NLRP14: variants seen among roughly 807,000 people sequenced by gnomAD.
NLRP14 encodes NLR family pyrin domain containing 14.
NLRP14 carries 105 observed loss-of-function variants against 94.7 expected under a neutral mutation model. The observed-to-expected ratio is 1.11, with a 90% CI of 0.95 to 1.30. The LOEUF is 1.30. NLRP14 is among the 50% of genes most tolerant of loss of function. The pLI is 0.00. For synonymous variants in NLRP14, 508 were observed against 459.9 expected (o/e 1.10, Z -1.34); for missense variants, 1,362 against 1,254.1 (o/e 1.09, Z -1.30).
At chr11:7,049,884 C>T (rs1365314310) in intron 6 of NLRP14, 46 bp downstream of exon 6, 31 of 1,519,328 alleles carry the variant, frequency 2.0e-5, no homozygotes, top group Non-Finnish European at 2.8e-5. Flanking sequence ...ATAATTGAGG[C>T]TTTTGTCTAT....
chr11:7,087,869 A>G, the NLRP14 span, among the ~76,000 whole-genome samples: 1 of 152,218 alleles, frequency 6.6e-6, no homozygotes, highest in Admixed American at 6.5e-5. Flanking sequence ...GGACTAAGGT[A>G]AAAAGGTTTT....
At chr11:7,037,475 A>G (rs16921681) in intron 1 of NLRP14, among the ~76,000 whole-genome samples, 1,645 of 152,240 alleles carry the variant, frequency 0.011, 25 homozygotes, top group African/African-American at 0.037. Context: ...AAGGGCAGGA[A>G]TTTTAGTGAA....
the NLRP14 span, among the ~76,000 whole-genome samples, chr11:7,084,916 A>G: frequency 1.7e-3 from 263 of 152,298 alleles, no homozygotes; most frequent in African/African-American, 6.1e-3. Context: ...GAGGTCTGCA[A>G]TACTTCAGGT....
intron 1 of NLRP14, among the ~76,000 whole-genome samples, chr11:7,022,058 C>A (rs1256961913): frequency 6.6e-6 from 1 of 152,022 alleles, no homozygotes; most frequent in Non-Finnish European, 1.5e-5. Context: ...ACAAAGAGCA[C>A]CAAGTATAGC....
the NLRP14 span, chr11:7,089,030 G>A: frequency 1.4e-6 from 2 of 1,462,786 alleles, no homozygotes; most frequent in South Asian, 1.2e-5. Flanking sequence ...CTGACCAGTA[G>A]GAGCCGCCCT....
intron 10 of NLRP14, among the ~76,000 whole-genome samples, chr11:7,069,837 G>A (rs774416760): frequency 3.3e-5 from 5 of 151,984 alleles, no homozygotes; most frequent in Non-Finnish European, 7.4e-5. Context: ...ATGTTGGCCT[G>A]GTTGGTCTCG....
the NLRP14 span, among the ~76,000 whole-genome samples, chr11:7,081,193 G>A: frequency 6.6e-6 from 1 of 152,026 alleles, no homozygotes; most frequent in Non-Finnish European, 1.5e-5. Context: ...GATTTAGGTG[G>A]TTTTTTTTAT....
chr11:7,049,853 G>C lies in NLRP14; in HGVS notation c.2291+15G>C. 2 of 1,606,292 alleles carry C rather than the reference G, an allele frequency of 1.2e-6. No individual in the cohort carries two copies. Among genetic ancestry groups the C allele is most frequent in the Non-Finnish European group, 1.7e-6 (2 of 1,173,130 alleles). On this transcript the variant is annotated intron_variant, in intron 6 of 11. Transcript: ENST00000299481. ...CAGACTCTCAGGTAAGCTTTGAATTGTTTTGTCTTGTTTTGTTTTTATAAT... is the reference window on the plus strand; with the variant it reads ...CAGACTCTCAGGTAAGCTTTGAATTCTTTTGTCTTGTTTTGTTTTTATAAT...
chr11:7,044,524 T>A (rs1474116057), intron 4 of NLRP14, among the ~76,000 whole-genome samples: 1 of 152,144 alleles, frequency 6.6e-6, no homozygotes, highest in Non-Finnish European at 1.5e-5. Context: ...TCTCAGCCCT[T>A]TAATGCCTAT....
chr11:7,071,319 C>T lies in NLRP14; in HGVS notation c.*11C>T, dbSNP rs765757673. On this transcript the variant is annotated 3_prime_UTR_variant, in exon 12 of 12. Coordinates refer to ENST00000299481, the MANE Select transcript of NLRP14 (RefSeq NM_176822.4). ...TGGTGGTGTTTCTGATTTGAAGAAACTGACATTCCTTTAAAAATATAAATA... is the reference window on the plus strand; with the variant it reads ...TGGTGGTGTTTCTGATTTGAAGAAATTGACATTCCTTTAAAAATATAAATA... 6.2e-7 allele frequency: 1 copy of T among 1,606,566 alleles called. No homozygotes were observed. Among genetic ancestry groups the T allele is most frequent in the Non-Finnish European group, 8.5e-7 (1 of 1,173,838 alleles).
In NLRP14 at chr11:7,070,314, T is replaced by C; in HGVS notation, c.3004T>C (p.Cys1002Arg). The change falls in exon 11 of 12, where the codon TGC (cysteine) becomes CGC (arginine). Residue 1002 changes from cysteine to arginine, a missense_variant. Cys to Arg is a radical substitution (Grantham distance 180). Coordinates refer to ENST00000299481, the MANE Select transcript of NLRP14 (RefSeq NM_176822.4). Reference sequence around the variant, plus strand: ...GGAATACTGTGGTTTGACATCTCTCTGCTGTCAAGATCTCTCCTCTGCTCT... The same window carrying C: ...GGAATACTGTGGTTTGACATCTCTCCGCTGTCAAGATCTCTCCTCTGCTCT... The part of the protein sequence containing the change: ...GLEYCGLTSL[C>R]CQDLSSALIC... 1 of 1,611,924 alleles carries C rather than the reference T, an allele frequency of 6.2e-7. No individual in the cohort carries two copies. Among genetic ancestry groups the C allele is most frequent in the Non-Finnish European group, 8.5e-7 (1 of 1,178,130 alleles).
intron 1 of NLRP14, among the ~76,000 whole-genome samples, chr11:7,025,404 A>C (rs1344456114): frequency 6.6e-6 from 1 of 152,170 alleles, no homozygotes; most frequent in East Asian, 1.9e-4. Flanking sequence ...CCCTGAGTTC[A>C]CAATTCAAGA....
chr11:7,038,957 G>C, intron 2 of NLRP14, 82 bp downstream of exon 2: 13 of 1,340,032 alleles, frequency 9.7e-6, no homozygotes, highest in South Asian at 9.5e-5. Flanking sequence ...CTGTAAGAGG[G>C]ATTTAGGGAT....
In NLRP14 at chr11:7,042,455, G is replaced by A; in HGVS notation, c.429G>A (p.Leu143=). ...KFCITWDKKS[L]AGKPEDFHHG... Reference sequence around the variant, plus strand: ...GCATCACTTGGGACAAGAAGTCTTTGGCTGGAAAGCCTGAAGATTTCCATC... The same window carrying A: ...GCATCACTTGGGACAAGAAGTCTTTAGCTGGAAAGCCTGAAGATTTCCATC... Residue 143 remains leucine (L), a synonymous_variant, in exon 4 of 12, where the codon TTG becomes TTA. Transcript: ENST00000299481. The A allele has an allele frequency of 6.2e-7, 1 of 1,613,596 alleles. No homozygotes were observed. The highest frequency in any genetic ancestry group is 8.5e-7 in the Non-Finnish European group (1 of 1,179,494).
rs147389856 is a variant in NLRP14 at position 7,043,347 on chromosome 11, G to C, written c.1321G>C (p.Val441Leu). The C allele has an allele frequency of 1.9e-6, 3 of 1,614,050 alleles. No individual in the cohort carries two copies. Among genetic ancestry groups the C allele is most frequent in the Admixed American group, 1.7e-5 (1 of 59,998 alleles). ...CAAAGGAATATGGACTATGACTTACGTGTTTTACAGAGAAAATCTCAGAAG... is the reference window on the plus strand; with the variant it reads ...CAAAGGAATATGGACTATGACTTACCTGTTTTACAGAGAAAATCTCAGAAG... ...AAKGIWTMTY[V>L]FYRENLRRLG... Residue 441 changes from valine (V) to leucine (L), a missense_variant, in exon 4 of 12, where the codon GTG becomes CTG. Physicochemically the swap from Val to Leu is conservative, Grantham distance 32 (BLOSUM62 1). Transcript: ENST00000299481.
rs761138880 is a variant in NLRP14, at chr11:7,038,607, T to C, written c.21T>C (p.Ser7=). 1 of 1,613,900 alleles carries C rather than the reference T, an allele frequency of 6.2e-7. No individual in the cohort carries two copies. The highest frequency in any genetic ancestry group is 8.5e-7 in the Non-Finnish European group (1 of 1,180,006). ...ACAAGATGGCAGATTCATCATCATC[T>C]TCTTTCTTTCCTGATTTTGGGCTGC... MADSSS[S]SFFPDFGLLL... Residue 7 remains serine, a synonymous_variant, in exon 2 of 12, where the codon TCT becomes TCC. Transcript: ENST00000299481.
chr11:7,032,794 G>A lies in NLRP14; in HGVS notation c.-21-5772G>A, dbSNP rs562737216. 6.3e-4 allele frequency among the ~76,000 whole-genome samples: 96 copies of A among 152,112 alleles called. 1 individual carries two copies. The highest frequency in any genetic ancestry group is 2.2e-3 in the African/African-American group (92 of 41,508). ...GATCTATTTGTATCATGTCATTTTA[G>A]GGATATGAACATTTTCAAGACAATA... On this transcript the variant is annotated intron_variant, in intron 1 of 11. Transcript: ENST00000299481.
At chr11:7,052,368 C>T (rs1479532646) in intron 6 of NLRP14, among the ~76,000 whole-genome samples, 1 of 152,198 alleles carries the variant, frequency 6.6e-6, no homozygotes. Context: ...TGTGGTGGCT[C>T]ACGCCTGTAA....
At position 7,043,858 on chromosome 11, in the gene NLRP14, A is replaced by T; in HGVS notation, c.1832A>T (p.Glu611Val). The T allele has an allele frequency of 6.2e-7, 1 of 1,614,214 alleles. No individual in the cohort carries two copies. Among genetic ancestry groups the T allele is most frequent in the Non-Finnish European group, 8.5e-7 (1 of 1,180,022 alleles). ...CFPKVAINIC[E>V]KIHLLVSSFC... The stretch of plus-strand genomic sequence containing the variant: ...CCAAAGGTTGCCATTAATATTTGTG[A>T]GAAAATACATTTGCTTGTATCTTCT... Residue 611 changes from glutamate to valine, a missense_variant, in exon 4 of 12, where the codon GAG becomes GTG. Glu to Val is a moderately radical substitution (Grantham distance 121). Coordinates refer to ENST00000299481, the MANE Select transcript of NLRP14 (RefSeq NM_176822.4).
Sources: gnomAD v4.1 joint callset for allele counts (sites outside exome capture counted in the v4.1 genomes callset) on GRCh38, gnomAD v4.1.1 for gene constraint, MANE v1.5 for transcripts, NCBI Gene and HGNC (gene_info 2026-07-23, HGNC 2026-07-21) for gene names.